PLCL2: variants seen among roughly 807,000 people sequenced by gnomAD.
The protein encoded by PLCL2 is phospholipase C like 2.
In PLCL2, 4 loss-of-function variants were observed where a neutral mutation model predicts 79.6. That is an observed-to-expected ratio of 0.05 (90% CI 0.02 to 0.11). PLCL2 has a LOEUF of 0.11. PLCL2 is among the 10% of genes least tolerant of loss of function. PLCL2 has a pLI of 1.00. For missense variants in PLCL2, 895 were observed against 1,291.0 expected (o/e 0.69, Z 4.70); for synonymous variants, 484 against 457.7 (o/e 1.06, Z -0.73).
rs113482844 is a variant in PLCL2 at position 17,076,642 on chromosome 3, A to G, written c.3204+8577A>G. Among the ~76,000 whole-genome samples, 614 of 152,104 alleles carry G rather than the reference A, an allele frequency of 4.0e-3. 6 individuals carry two copies. The highest frequency in any genetic ancestry group is 0.014 in the African/African-American group (580 of 41,474). ...CTCAGCCTCCTGAGTAGCTGGGACCACAGGCACGTGCTACCATGCCTGGAT... is the reference window on the plus strand; with the variant it reads ...CTCAGCCTCCTGAGTAGCTGGGACCGCAGGCACGTGCTACCATGCCTGGAT... On this transcript the variant is annotated intron_variant, in intron 5 of 5. Coordinates refer to ENST00000615277, the MANE Select transcript of PLCL2 (RefSeq NM_001144382.2).
intron 3 of PLCL2, among the ~76,000 whole-genome samples, chr3:17,038,190 A>G (rs1478278084): frequency 2.0e-5 from 3 of 152,186 alleles, no homozygotes; most frequent in Admixed American, 2.0e-4. Context: ...ACATCCATAG[A>G]TTTTCCAAAC....
At chr3:16,889,035 C>A (rs1470153665) in intron 1 of PLCL2, among the ~76,000 whole-genome samples, 2 of 152,194 alleles carry the variant, frequency 1.3e-5, no homozygotes, top group East Asian at 1.9e-4. Context: ...CATCCCCAGA[C>A]AATGGCAATC....
At chr3:16,899,915 T>C (rs1696580405) in intron 1 of PLCL2, among the ~76,000 whole-genome samples, 1 of 150,550 alleles carries the variant, frequency 6.6e-6, no homozygotes, top group African/African-American at 2.4e-5. Flanking sequence ...TTATTTGAAA[T>C]GTTCTTTTCA....
At chr3:17,036,330 C>T (rs149347348) in intron 3 of PLCL2, among the ~76,000 whole-genome samples, 14 of 152,258 alleles carry the variant, frequency 9.2e-5, no homozygotes, top group South Asian at 2.1e-4. Flanking sequence ...TTTAAAAGTA[C>T]GTTGTATTTT....
intron 1 of PLCL2, among the ~76,000 whole-genome samples, chr3:16,992,538 A>G (rs529843960): frequency 6.6e-6 from 1 of 152,360 alleles, no homozygotes; most frequent in African/African-American, 2.4e-5. Context: ...TGGGAGAGGC[A>G]AGAGCTGAGA....
chr3:16,979,688 A>G (rs56084624), intron 1 of PLCL2, among the ~76,000 whole-genome samples: 16,612 of 143,212 alleles, frequency 0.12, 1,096 homozygotes, highest in African/African-American at 0.18. Flanking sequence ...CCAAGGCAGA[A>G]GAATTTTTCT....
At chr3:16,952,844 GTA>G (rs2063666680) in intron 1 of PLCL2, among the ~76,000 whole-genome samples, 2 of 151,964 alleles carry the variant, frequency 1.3e-5, no homozygotes, top group Non-Finnish European at 2.9e-5. Flanking sequence ...TGTCTAGCTT[GTA>G]TATAATGCAA....
chr3:17,042,641 AGC>A, intron 3 of PLCL2: 1 of 429,554 alleles, frequency 2.3e-6, no homozygotes, highest in Non-Finnish European at 4.3e-6. Flanking sequence ...GTGTTGTACT[AGC>A]CTCACTGCAC....
In PLCL2 at chr3:16,974,648, G is replaced by C. The variant is rs190250200; in HGVS notation, c.328-35026G>C. Among the ~76,000 whole-genome samples the C allele has an allele frequency of 2.2e-4, 33 of 152,256 alleles. 1 individual carries two copies. The East Asian group carries it at 6.2e-3, about 29-fold the overall frequency. ...GCTCCAGACTTATGTTTCCCAAAGG[G>C]ACATGATCTCTCCTGCCTGGGTCTT... On this transcript the variant is annotated intron_variant, in intron 1 of 5. Coordinates refer to ENST00000615277, the MANE Select transcript of PLCL2 (RefSeq NM_001144382.2).
chr3:17,012,919 CTGTT>C (rs2064342315), intron 2 of PLCL2, among the ~76,000 whole-genome samples: 1 of 152,090 alleles, frequency 6.6e-6, no homozygotes. Flanking sequence ...TGCTCCATGT[CTGTT>C]TATTTTGTAT....
chr3:16,913,114 C>A (rs1696919624), intron 1 of PLCL2, among the ~76,000 whole-genome samples: 1 of 152,158 alleles, frequency 6.6e-6, no homozygotes, highest in Admixed American at 6.5e-5. Context: ...TAACCTTCCT[C>A]TTGGTTTCCA....
chr3:16,953,974 A>G (rs2063677107), intron 1 of PLCL2, among the ~76,000 whole-genome samples: 1 of 152,124 alleles, frequency 6.6e-6, no homozygotes, highest in Admixed American at 6.6e-5. Context: ...TTCACACAAT[A>G]TTAAGATATA....
At chr3:16,989,868 T>C (rs2064086069) in intron 1 of PLCL2, among the ~76,000 whole-genome samples, 2 of 152,188 alleles carry the variant, frequency 1.3e-5, no homozygotes, top group African/African-American at 4.8e-5. Flanking sequence ...TTTTTCACTG[T>C]ATGATAAAAA....
At chr3:17,027,501 C>A (rs1365449821) in intron 3 of PLCL2, among the ~76,000 whole-genome samples, 1 of 152,152 alleles carries the variant, frequency 6.6e-6, no homozygotes, top group South Asian at 2.1e-4. Context: ...TGTTTACTGT[C>A]TGGCTCTGTA....
intron 1 of PLCL2, among the ~76,000 whole-genome samples, chr3:16,986,491 G>A (rs2064051820): frequency 6.6e-6 from 1 of 152,048 alleles, no homozygotes; most frequent in Non-Finnish European, 1.5e-5. Flanking sequence ...AACCCCCACC[G>A]CCTGAGTTCA....
At chr3:16,954,509 C>G (rs1162685625) in intron 1 of PLCL2, among the ~76,000 whole-genome samples, 1 of 152,046 alleles carries the variant, frequency 6.6e-6, no homozygotes, top group Non-Finnish European at 1.5e-5. Context: ...GTCTTTATAG[C>G]AGCATGATTT....
chr3:16,931,703 A>G (rs541920547), intron 1 of PLCL2, among the ~76,000 whole-genome samples: 2 of 152,270 alleles, frequency 1.3e-5, no homozygotes, highest in Admixed American at 1.3e-4. Flanking sequence ...CTCTTTTTTT[A>G]AGGTTCAGTT....
intron 3 of PLCL2, among the ~76,000 whole-genome samples, chr3:17,034,813 C>T (rs1270111487): frequency 6.6e-6 from 1 of 152,154 alleles, no homozygotes. Context: ...TTCCAAGAAG[C>T]TGTCCATGTT....
intron 1 of PLCL2, among the ~76,000 whole-genome samples, chr3:16,928,791 A>G (rs189707018): frequency 7.2e-4 from 110 of 152,356 alleles, no homozygotes; most frequent in African/African-American, 2.4e-3. Context: ...TGCTTGGCAT[A>G]TAAGAAATGC....
Sources: allele counts gnomAD v4.1 joint callset (sites outside exome capture counted in the v4.1 genomes callset), GRCh38; gene constraint gnomAD v4.1.1; transcripts MANE v1.5; gene names NCBI Gene and HGNC (gene_info 2026-07-23, HGNC 2026-07-21).